The following LPAR1 variants were observed in gnomAD, a reference collection of about 807,000 sequenced individuals.
LPAR1 encodes LPA receptor 1.
A neutral mutation model predicts 23.8 loss-of-function variants in LPAR1; 5 were observed. That is an observed-to-expected ratio of 0.21 (90% confidence interval 0.11 to 0.44). LPAR1 has a LOEUF of 0.44. LPAR1 is among the 20% of genes least tolerant of loss of function. LPAR1 has a pLI of 0.99. For missense variants in LPAR1, 311 were observed against 482.8 expected (o/e 0.64, Z 3.33); for synonymous variants, 160 against 164.7 (o/e 0.97, Z 0.22).
In LPAR1 at chr9:110,941,318, C is replaced by T; in HGVS notation, c.793+103G>A. On this transcript the variant is annotated intron_variant, in intron 5 of 5. Transcript: ENST00000683809. This position sits in a 1 kb window ranked among gnomAD's most constrained non-coding sequence, Gnocchi z 6.1. Reference sequence around the variant, plus strand: ...CCCCTTGTAATTCCTGGTGAATTACCTGGTGAATATTCATACTGTTGGTTA... The same window carrying T: ...CCCCTTGTAATTCCTGGTGAATTACTTGGTGAATATTCATACTGTTGGTTA... 9.6e-7 allele frequency: 1 copy of T among 1,042,072 alleles called. No individual in the cohort carries two copies. The highest frequency in any genetic ancestry group is 1.6e-5 in the South Asian group (1 of 63,350). The allele number at this position is 1,042,072 out of a possible 1,614,324, so 64.6% of individuals were successfully genotyped here.
intron 2 of LPAR1, among the ~76,000 whole-genome samples, chr9:111,027,750 A>G (rs10980699): frequency 0.58 from 87,236 of 151,364 alleles, 25,420 homozygotes; most frequent in East Asian, 0.68. Context: ...AGGAAAGAAC[A>G]TCCTAGGCAG....
intron 5 of LPAR1, among the ~76,000 whole-genome samples, chr9:110,893,934 T>C (rs2085395286): frequency 6.6e-6 from 1 of 152,216 alleles, no homozygotes; most frequent in East Asian, 1.9e-4. Flanking sequence ...TTGATAATGA[T>C]ATTGATGTAG....
chr9:110,907,011 A>G (rs1018740842), intron 5 of LPAR1, among the ~76,000 whole-genome samples: 2 of 152,226 alleles, frequency 1.3e-5, no homozygotes, highest in Non-Finnish European at 2.9e-5. Flanking sequence ...AATTCTATGA[A>G]TGTACATTTT....
At chr9:110,998,296 GC>G (rs1190834814) in intron 2 of LPAR1, among the ~76,000 whole-genome samples, 2 of 152,120 alleles carry the variant, frequency 1.3e-5, no homozygotes, top group Non-Finnish European at 2.9e-5. Context: ...AGTTTTAAGT[GC>G]TTTTAATACC....
chr9:111,007,300 T>A (rs2097239257), intron 2 of LPAR1, among the ~76,000 whole-genome samples: 1 of 152,172 alleles, frequency 6.6e-6, no homozygotes, highest in Admixed American at 6.5e-5. Flanking sequence ...ATGCACTACC[T>A]AAACATTCAA....
At chr9:111,024,492 ATT>A (rs2097645652) in intron 2 of LPAR1, among the ~76,000 whole-genome samples, 1 of 147,110 alleles carries the variant, frequency 6.8e-6, no homozygotes. Flanking sequence ...ATTTTTATAT[ATT>A]TATATATACA....
intron 5 of LPAR1, among the ~76,000 whole-genome samples, chr9:110,921,335 T>G (rs2093618892): frequency 6.6e-6 from 1 of 152,210 alleles, no homozygotes; most frequent in Admixed American, 6.5e-5. Flanking sequence ...TTTCCTCTCA[T>G]GAACTGACAA....
chr9:110,943,649 C>A (rs1364427150), intron 4 of LPAR1, among the ~76,000 whole-genome samples: 1 of 152,050 alleles, frequency 6.6e-6, no homozygotes, highest in Non-Finnish European at 1.5e-5. Context: ...CACTTGAGGT[C>A]AGAAGTTCGA....
intron 5 of LPAR1, among the ~76,000 whole-genome samples, chr9:110,925,343 AT>A (rs1052311839): frequency 4.6e-5 from 7 of 151,982 alleles, no homozygotes; most frequent in African/African-American, 1.7e-4. Flanking sequence ...GCTTGAGCAG[AT>A]GCTGAAAAAC....
chr9:110,967,735 T>A (rs2096270630), intron 4 of LPAR1, among the ~76,000 whole-genome samples: 1 of 152,186 alleles, frequency 6.6e-6, no homozygotes, highest in Non-Finnish European at 1.5e-5. Flanking sequence ...AAACTGATAA[T>A]AAGAGAGAAG....
intron 5 of LPAR1, among the ~76,000 whole-genome samples, chr9:110,881,711 T>A (rs934517397): frequency 1.1e-4 from 17 of 152,212 alleles, no homozygotes; most frequent in African/African-American, 3.9e-4. Flanking sequence ...ATACCTTTTA[T>A]CTGCCAATTG....
At chr9:110,950,953 G>A (rs1335489894) in intron 4 of LPAR1, among the ~76,000 whole-genome samples, 2 of 152,080 alleles carry the variant, frequency 1.3e-5, no homozygotes, top group African/African-American at 2.4e-5. Flanking sequence ...AACTAGATGC[G>A]TTATTGAATA....
intron 2 of LPAR1, among the ~76,000 whole-genome samples, chr9:111,021,156 G>A (rs987469274): frequency 1.3e-5 from 2 of 152,198 alleles, no homozygotes; most frequent in Non-Finnish European, 2.9e-5. Flanking sequence ...AAGGGAAGAT[G>A]CTGGTCAAAG....
At chr9:110,880,016 G>A (rs1338385714) in intron 5 of LPAR1, among the ~76,000 whole-genome samples, 1 of 152,190 alleles carries the variant, frequency 6.6e-6, no homozygotes, top group Non-Finnish European at 1.5e-5. Context: ...GACATCTAAT[G>A]GAAATGCCTT....
chr9:110,982,532 G>A (rs2096691110), intron 2 of LPAR1, among the ~76,000 whole-genome samples: 1 of 151,964 alleles, frequency 6.6e-6, no homozygotes, highest in Non-Finnish European at 1.5e-5. Flanking sequence ...TGTAAATGAC[G>A]AGTTGATGGA....
At chr9:111,033,528 T>A (rs2097841474) in intron 2 of LPAR1, among the ~76,000 whole-genome samples, 1 of 152,136 alleles carries the variant, frequency 6.6e-6, no homozygotes, top group Non-Finnish European at 1.5e-5. Context: ...TGAAAGAAAT[T>A]CAGCCACCTT....
chr9:110,972,349 A>C (rs898362485), intron 3 of LPAR1, 129 bp from the exon 4 acceptor site: 19 of 510,866 alleles, frequency 3.7e-5, no homozygotes, highest in African/African-American at 3.1e-4. Context: ...GCAAACAGAA[A>C]GCCGGTAGGG....
chr9:110,911,301 C>T (rs576437115), intron 5 of LPAR1, among the ~76,000 whole-genome samples: 1 of 152,280 alleles, frequency 6.6e-6, no homozygotes, highest in Non-Finnish European at 1.5e-5. Flanking sequence ...AATCCCAGCA[C>T]TTTGAGAGAC....
At chr9:110,888,195 CAT>C (rs1183647489) in intron 5 of LPAR1, among the ~76,000 whole-genome samples, 2 of 152,134 alleles carry the variant, frequency 1.3e-5, no homozygotes, top group Non-Finnish European at 2.9e-5. Context: ...AATGTTTTGA[CAT>C]AGAGTCAAGG....
Sources: gnomAD v4.1 joint callset for allele counts (sites outside exome capture counted in the v4.1 genomes callset) on GRCh38, gnomAD v4.1.1 for gene constraint, Gnocchi (gnomAD v3.1) non-coding constraint, MANE v1.5 for transcripts, NCBI Gene and HGNC (gene_info 2026-07-23, HGNC 2026-07-21) for gene names.